Variants in ADAMTS18 observed in about 807,000 individuals in gnomAD.
ADAMTS18 encodes A disintegrin and metalloproteinase with thrombospondin motifs 18.
A neutral mutation model predicts 165.9 loss-of-function variants in ADAMTS18; 157 were observed. The observed-to-expected ratio is 0.95, with a 90% CI of 0.83 to 1.08. The LOEUF is 1.08. ADAMTS18 is among the 50% of genes least tolerant of loss of function. The pLI is 0.00. For synonymous variants in ADAMTS18, 782 were observed against 578.2 expected (o/e 1.35, Z -5.06); for missense variants, 2,040 against 1,534.0 (o/e 1.33, Z -5.51).
chr16:77,428,902 C>G (rs749541515), intron 3 of ADAMTS18, among the ~76,000 whole-genome samples: 7 of 152,130 alleles, frequency 4.6e-5, no homozygotes, highest in Non-Finnish European at 7.3e-5. Context: ...CAACTTTATT[C>G]TTAGGCATGT....
chr16:77,291,682 C>T (rs571922056), intron 20 of ADAMTS18, among the ~76,000 whole-genome samples: 1 of 152,196 alleles, frequency 6.6e-6, no homozygotes, highest in Non-Finnish European at 1.5e-5. Context: ...GTTCAGAGAA[C>T]GGAACTGACT....
chr16:77,298,150 T>A (rs577007559), intron 17 of ADAMTS18, among the ~76,000 whole-genome samples: 1 of 151,992 alleles, frequency 6.6e-6, no homozygotes, highest in Non-Finnish European at 1.5e-5. Context: ...ACTCCTGACC[T>A]CAGTGATTCA....
At chr16:77,424,932 G>A (rs372864780) in intron 3 of ADAMTS18, among the ~76,000 whole-genome samples, 6 of 152,156 alleles carry the variant, frequency 3.9e-5, no homozygotes, top group Admixed American at 6.5e-5. Flanking sequence ...CTTTCTGCCC[G>A]CCATGGACGA....
In ADAMTS18 at chr16:77,293,198, C is replaced by A; in HGVS notation, c.3067G>T (p.Ala1023Ser). 2.5e-6 allele frequency: 4 copies of A among 1,613,982 alleles called. No homozygotes were observed. Among genetic ancestry groups the A allele is most frequent in the Non-Finnish European group, 3.4e-6 (4 of 1,179,960 alleles). ...CACTGGCTCTCGGGGAGGGTTTCTG[C>A]GGCAGAGCCCTTGCAGAGGAGTTCA... ...KRELLCKGSA[A>S]ETLPESQCTS... The change falls in exon 20 of 23, where the codon GCA becomes TCA. Residue 1023 changes from alanine (A) to serine (S), a missense_variant. Ala to Ser is a moderately conservative substitution (Grantham distance 99). Coordinates refer to ENST00000282849, the MANE Select transcript of ADAMTS18 (RefSeq NM_199355.4).
Position 77,283,216 on chromosome 16 carries a change from T to G in ADAMTS18, c.*740A>C, listed in dbSNP as rs1273343721. 1 of 152,598 alleles carries G rather than the reference T, an allele frequency of 6.6e-6. No individual in the cohort carries two copies. Among genetic ancestry groups the G allele is most frequent in the African/African-American group, 2.4e-5 (1 of 41,442 alleles). 9.5% of individuals were successfully genotyped at this position (152,598 alleles called of 1,614,324 possible). On this transcript the variant is annotated 3_prime_UTR_variant, in exon 23 of 23. Coordinates refer to ENST00000282849, the MANE Select transcript of ADAMTS18 (RefSeq NM_199355.4). ...TGATAACATGTGAAGGGCATCCATA[T>G]TTATCTTTTCTATGAGTTGTTTCCT...
At chr16:77,390,196 T>G (rs1243914562) in intron 3 of ADAMTS18, among the ~76,000 whole-genome samples, 1 of 151,958 alleles carries the variant, frequency 6.6e-6, no homozygotes, top group East Asian at 1.9e-4. Flanking sequence ...CTGCAAGAAA[T>G]AACGGCAGTG....
intron 8 of ADAMTS18, 30 bp from the exon 9 acceptor site, chr16:77,356,107 G>A (rs2056626760): frequency 6.2e-7 from 1 of 1,613,898 alleles, no homozygotes; most frequent in East Asian, 2.2e-5. Flanking sequence ...ACAAAATCCT[G>A]CTTTGTGAAC....
intron 19 of ADAMTS18, among the ~76,000 whole-genome samples, chr16:77,293,910 C>G (rs184635935): frequency 6.6e-6 from 1 of 151,736 alleles, no homozygotes; most frequent in Non-Finnish European, 1.5e-5. Context: ...TCCTTACAGA[C>G]CACAAACAGG....
chr16:77,302,786 T>G (rs1012336315), intron 16 of ADAMTS18, among the ~76,000 whole-genome samples: 1 of 152,242 alleles, frequency 6.6e-6, no homozygotes, highest in Non-Finnish European at 1.5e-5. Flanking sequence ...TTTCACCTTT[T>G]AGACAGATTC....
At position 77,364,294 on chromosome 16, in the gene ADAMTS18, G is replaced by T; in HGVS notation, c.866C>A (p.Ser289Ter). The change falls in exon 5 of 23, where the codon TCA (serine) becomes TAA (stop). Residue 289 changes from serine (S) to a stop codon, truncating the protein, a stop_gained. Transcript: ENST00000282849. LOFTEE classifies it high-confidence loss of function. Reference sequence around the variant, plus strand: ...GGTTTCCACATTGAGGCCCTTTTGTGATTTTCCAGCTGATCTTCTGGGTCG... The same window carrying T: ...GGTTTCCACATTGAGGCCCTTTTGTTATTTTCCAGCTGATCTTCTGGGTCG... Reference protein sequence around the residue: ...SGRPRRSAGKSQKGLNVETLV... With the variant: ...SGRPRRSAGK The T allele has an allele frequency of 6.2e-7, 1 of 1,613,870 alleles. No homozygotes were observed. Among genetic ancestry groups the T allele is most frequent in the Non-Finnish European group, 8.5e-7 (1 of 1,179,994 alleles).
rs138360743 is a variant in ADAMTS18, at chr16:77,295,518, G to A, written c.2802-391C>T. On this transcript the variant is annotated intron_variant, in intron 18 of 22. Coordinates refer to ENST00000282849, the MANE Select transcript of ADAMTS18 (RefSeq NM_199355.4). ...TAAGGAGCCTATAACACAGTAAAGA[G>A]GTGGATATGTGAACAAATAAAGACA... Among the ~76,000 whole-genome samples, 30 of 152,296 alleles carry A rather than the reference G, an allele frequency of 2.0e-4. No homozygotes were observed. In the East Asian group the frequency reaches 5.0e-3, roughly 26 times the overall value.
chr16:77,312,108 G>T (rs1379648053), intron 16 of ADAMTS18, among the ~76,000 whole-genome samples: 6 of 151,884 alleles, frequency 4.0e-5, no homozygotes. Flanking sequence ...TCTTATTTTT[G>T]TTGTTGTTGT....
chr16:77,357,708 A>G (rs1055615558), intron 8 of ADAMTS18, among the ~76,000 whole-genome samples: 2 of 152,226 alleles, frequency 1.3e-5, no homozygotes, highest in Admixed American at 6.5e-5. Context: ...ATTTAATTTA[A>G]TAGCATTTTA....
intron 10 of ADAMTS18, among the ~76,000 whole-genome samples, chr16:77,350,145 C>T (rs766863029): frequency 2.6e-4 from 39 of 152,332 alleles, no homozygotes; most frequent in Admixed American, 3.3e-4. Flanking sequence ...AATGGGCGCT[C>T]TCTCCACTTG....
In ADAMTS18 at chr16:77,337,033, G is replaced by C. The variant is rs1047026589; in HGVS notation, c.1711-1129C>G. Among the ~76,000 whole-genome samples, 3 of 152,212 alleles carry C rather than the reference G, an allele frequency of 2.0e-5. No individual in the cohort carries two copies. The East Asian group carries it at 5.8e-4, about 29-fold the overall frequency. On this transcript the variant is annotated intron_variant, in intron 11 of 22. Coordinates refer to ENST00000282849, the MANE Select transcript of ADAMTS18 (RefSeq NM_199355.4). The stretch of plus-strand genomic sequence containing the variant: ...ACATTTGGCTTCATGACTGTTTACT[G>C]TGTGGCTTGGTTGCTAGCGCACTCT...
chr16:77,309,291 A>C (rs1455365082), intron 16 of ADAMTS18, among the ~76,000 whole-genome samples: 1 of 152,086 alleles, frequency 6.6e-6, no homozygotes, highest in African/African-American at 2.4e-5. Flanking sequence ...CAAGTCACTT[A>C]TATGCATATA....
chr16:77,316,067 T>C (rs1156956153), intron 16 of ADAMTS18, among the ~76,000 whole-genome samples: 1 of 152,190 alleles, frequency 6.6e-6, no homozygotes, highest in East Asian at 1.9e-4. Flanking sequence ...TTCTTATACA[T>C]GTCTAGTAAC....
intron 16 of ADAMTS18, among the ~76,000 whole-genome samples, chr16:77,306,182 T>C (rs777148643): frequency 4.6e-5 from 7 of 152,216 alleles, no homozygotes; most frequent in Non-Finnish European, 1.0e-4. Flanking sequence ...GCATGGAGTC[T>C]CCAATTTACA....
At chr16:77,428,269 G>A (rs2057698261) in intron 3 of ADAMTS18, among the ~76,000 whole-genome samples, 1 of 152,114 alleles carries the variant, frequency 6.6e-6, no homozygotes, top group African/African-American at 2.4e-5. Flanking sequence ...TCTCCAACAA[G>A]CCTGTTAAAG....
Sources: allele counts gnomAD v4.1 joint callset (sites outside exome capture counted in the v4.1 genomes callset), GRCh38; gene constraint gnomAD v4.1.1; transcripts MANE v1.5; gene names NCBI Gene and HGNC (gene_info 2026-07-23, HGNC 2026-07-21).